The following ZNF385D variants were observed in gnomAD, a reference collection of about 807,000 sequenced individuals.
ZNF385D encodes the protein zinc finger protein 659.
In ZNF385D, 15 loss-of-function variants were observed where a neutral mutation model predicts 35.8. That is an observed-to-expected ratio of 0.42 (90% confidence interval 0.28 to 0.64). ZNF385D has a LOEUF of 0.64. ZNF385D is among the 30% of genes least tolerant of loss of function. The pLI is 0.23. For missense variants in ZNF385D, 474 were observed against 494.6 expected (o/e 0.96, Z 0.39); for synonymous variants, 212 against 186.8 (o/e 1.13, Z -1.10).
intron 3 of ZNF385D, among the ~76,000 whole-genome samples, chr3:22,042,844 T>G (rs1315247304): frequency 6.6e-6 from 1 of 152,184 alleles, no homozygotes; most frequent in Non-Finnish European, 1.5e-5. Flanking sequence ...TTGGTTGTCT[T>G]TGGAAGATCA....
At chr3:22,182,718 A>G (rs1338221817) in intron 2 of ZNF385D, among the ~76,000 whole-genome samples, 3 of 152,184 alleles carry the variant, frequency 2.0e-5, no homozygotes, top group African/African-American at 7.2e-5. Flanking sequence ...TTGTTTAATA[A>G]GTTTGTAGAA....
At chr3:21,609,336 T>A (rs2064597408) in intron 2 of ZNF385D, among the ~76,000 whole-genome samples, 2 of 152,210 alleles carry the variant, frequency 1.3e-5, no homozygotes, top group Non-Finnish European at 2.9e-5. Flanking sequence ...GGGCCTTTCA[T>A]TCCAGAATCA....
At chr3:22,104,087 AT>A (rs1200427243) in intron 3 of ZNF385D, among the ~76,000 whole-genome samples, 7 of 151,964 alleles carry the variant, frequency 4.6e-5, no homozygotes, top group Non-Finnish European at 7.4e-5. Context: ...AGAACTTGTT[AT>A]CTTTTCCTTT....
chr3:22,337,538 A>G (rs1695229148), intron 2 of ZNF385D, among the ~76,000 whole-genome samples: 1 of 152,198 alleles, frequency 6.6e-6, no homozygotes, highest in African/African-American at 2.4e-5. Context: ...CTTTTCAAAA[A>G]AAATAAAAAT....
chr3:22,117,496 C>A (rs1000603675), intron 3 of ZNF385D, among the ~76,000 whole-genome samples: 2 of 151,728 alleles, frequency 1.3e-5, no homozygotes, highest in African/African-American at 4.8e-5. Flanking sequence ...GCATCTTGTT[C>A]AACCAAAATT....
chr3:21,754,613 CT>C (rs559621553), upstream of ZNF385D, among the ~76,000 whole-genome samples: 57 of 149,832 alleles, frequency 3.8e-4, no homozygotes, highest in East Asian at 3.3e-3. Flanking sequence ...AATTCACTGT[CT>C]TTTTTTTTTC....
chr3:21,877,060 C>G (rs557531400), intron 3 of ZNF385D, among the ~76,000 whole-genome samples: 2 of 152,094 alleles, frequency 1.3e-5, no homozygotes, highest in South Asian at 4.1e-4. Context: ...ACTGTGAACC[C>G]CTAGAGGGTT....
intron 2 of ZNF385D, among the ~76,000 whole-genome samples, chr3:22,258,988 G>C (rs1040074562): frequency 1.3e-5 from 2 of 150,924 alleles, no homozygotes; most frequent in African/African-American, 4.9e-5. Context: ...AATTACAGAT[G>C]TACTTATTTC....
intron 3 of ZNF385D, among the ~76,000 whole-genome samples, chr3:21,922,261 T>C (rs1433667240): frequency 5.0e-5 from 7 of 140,788 alleles, no homozygotes; most frequent in Non-Finnish European, 9.6e-5. Flanking sequence ...ACCAACACCA[T>C]TTTTCACAGA....
intron 3 of ZNF385D, among the ~76,000 whole-genome samples, chr3:21,793,265 G>A (rs2072002758): frequency 6.6e-6 from 1 of 152,156 alleles, no homozygotes; most frequent in African/African-American, 2.4e-5. Context: ...TATTAATAGT[G>A]AAAATAATAA....
At chr3:22,001,259 G>T (rs1043465371) in intron 3 of ZNF385D, among the ~76,000 whole-genome samples, 10 of 151,822 alleles carry the variant, frequency 6.6e-5, no homozygotes, top group African/African-American at 2.4e-4. Flanking sequence ...CACTTCACTG[G>T]TAGACACATA....
intron 3 of ZNF385D, among the ~76,000 whole-genome samples, chr3:22,109,337 T>C (rs776782293): frequency 3.3e-5 from 5 of 152,162 alleles, no homozygotes; most frequent in Non-Finnish European, 7.4e-5. Flanking sequence ...TAAGGATACA[T>C]ACAAGATGTC....
chr3:21,536,877 G>C (rs774673852), intron 3 of ZNF385D, among the ~76,000 whole-genome samples: 6 of 151,930 alleles, frequency 3.9e-5, no homozygotes, highest in Non-Finnish European at 7.3e-5. Context: ...AGAAATCGGA[G>C]GGAAGAGTAT....
chr3:22,200,896 G>C (rs147053961), intron 2 of ZNF385D, among the ~76,000 whole-genome samples: 1 of 152,128 alleles, frequency 6.6e-6, no homozygotes, highest in Non-Finnish European at 1.5e-5. Context: ...CAGAGTGTAA[G>C]GTTATCTCTC....
chr3:21,889,016 G>C (rs574830192), intron 3 of ZNF385D, among the ~76,000 whole-genome samples: 3 of 152,250 alleles, frequency 2.0e-5, no homozygotes, highest in Non-Finnish European at 4.4e-5. Flanking sequence ...TCTTCAGAGA[G>C]TAGACTGTGT....
chr3:21,889,221 C>T (rs1219412252), intron 3 of ZNF385D, among the ~76,000 whole-genome samples: 3 of 152,156 alleles, frequency 2.0e-5, no homozygotes, highest in African/African-American at 4.8e-5. Flanking sequence ...TATTAAAGGT[C>T]TTTGTTTCTC....
chr3:21,482,169 A>G (rs1575019485), intron 4 of ZNF385D, among the ~76,000 whole-genome samples: 2 of 152,266 alleles, frequency 1.3e-5, no homozygotes, highest in East Asian at 3.9e-4. Flanking sequence ...AATTCTGAGT[A>G]TGACTGTAAA....
intron 3 of ZNF385D, among the ~76,000 whole-genome samples, chr3:21,898,067 T>C (rs549392682): frequency 5.9e-5 from 9 of 152,286 alleles, no homozygotes; most frequent in Admixed American, 1.3e-4. Context: ...TATTTTTGTA[T>C]CGTCAAATGT....
At chr3:22,006,751 T>C (rs1696233945) in intron 3 of ZNF385D, among the ~76,000 whole-genome samples, 2 of 151,894 alleles carry the variant, frequency 1.3e-5, no homozygotes, top group South Asian at 4.1e-4. Flanking sequence ...GGATAAAATA[T>C]AATAAACATC....
Sources: allele counts gnomAD v4.1 joint callset (sites outside exome capture counted in the v4.1 genomes callset), GRCh38; gene constraint gnomAD v4.1.1; transcripts MANE v1.5; gene names NCBI Gene and HGNC (gene_info 2026-07-23, HGNC 2026-07-21).